Variants in PDE4B observed in about 807,000 individuals in gnomAD.
PDE4B encodes the protein phosphodiesterase 4B.
A neutral mutation model predicts 82.2 loss-of-function variants in PDE4B; 20 were observed. The ratio of observed to expected loss-of-function variants is 0.24; its 90% CI spans 0.17 to 0.35. The LOEUF (loss-of-function observed/expected upper bound fraction) is 0.35, where lower values mean the gene tolerates loss of function less well. Among genes scored for constraint, PDE4B ranks in the 10% least tolerant of loss-of-function variants. The pLI, the probability that PDE4B is intolerant of heterozygous loss-of-function variation, is 1.00. For synonymous variants in PDE4B, 320 were observed against 318.9 expected, an observed-to-expected ratio of 1.00 and a Z score of -0.04; for missense variants, 655 against 907.2, an observed-to-expected ratio of 0.72 and a Z score of 3.57.
At chr1:66,266,295 A>G in intron 7 of PDE4B, 1 of 585,764 alleles carries the variant, frequency 1.7e-6, no homozygotes, top group South Asian at 2.0e-5. Flanking sequence ...TAATTTGCCC[A>G]TTGTATGTGC....
intron 3 of PDE4B, among the ~76,000 whole-genome samples, chr1:66,039,960 C>T (rs1292499790): frequency 6.6e-6 from 1 of 151,938 alleles, no homozygotes; most frequent in Non-Finnish European, 1.5e-5. Context: ...TCTGTGGTTT[C>T]AGATTCTGCC....
At chr1:66,354,411 CTG>C in intron 8 of PDE4B, 1 of 987,098 alleles carries the variant, frequency 1.0e-6, no homozygotes, top group Non-Finnish European at 1.2e-6. Context: ...TAAAAGATGG[CTG>C]TGTTTCCTAG....
chr1:65,870,068 A>G (rs189672804), intron 1 of PDE4B, among the ~76,000 whole-genome samples: 2 of 152,302 alleles, frequency 1.3e-5, no homozygotes, highest in African/African-American at 2.4e-5. Flanking sequence ...TTTCCATTCA[A>G]TGCTCACTTA....
intron 3 of PDE4B, among the ~76,000 whole-genome samples, chr1:65,922,191 C>G (rs929330482): frequency 2.6e-5 from 4 of 152,034 alleles, no homozygotes; most frequent in Non-Finnish European, 5.9e-5. Context: ...AATACAATCT[C>G]CAAAAGACAC....
At chr1:65,860,227 G>C (rs1029334405) in intron 1 of PDE4B, among the ~76,000 whole-genome samples, 1 of 152,148 alleles carries the variant, frequency 6.6e-6, no homozygotes, top group African/African-American at 2.4e-5. Context: ...GCTCTGGTGT[G>C]TGATGTTCCC....
intron 3 of PDE4B, among the ~76,000 whole-genome samples, chr1:66,177,856 C>T (rs1646966002): frequency 6.6e-6 from 1 of 152,038 alleles, no homozygotes; most frequent in African/African-American, 2.4e-5. Context: ...CAAAGCTTTA[C>T]AGGAGTCGAT....
intron 7 of PDE4B, among the ~76,000 whole-genome samples, chr1:66,317,912 A>T (rs11208832): frequency 3.3e-5 from 5 of 151,998 alleles, no homozygotes; most frequent in Non-Finnish European, 5.9e-5. Context: ...GAATAAAATA[A>T]AATAAAATAA....
chr1:66,344,927 A>C (rs1661274013), intron 8 of PDE4B, among the ~76,000 whole-genome samples: 2 of 152,356 alleles, frequency 1.3e-5, no homozygotes, highest in East Asian at 3.9e-4. Flanking sequence ...CTGTGGTACC[A>C]GGATAGAGCA....
At chr1:66,311,400 C>T (rs1244333521) in intron 7 of PDE4B, among the ~76,000 whole-genome samples, 1 of 152,370 alleles carries the variant, frequency 6.6e-6, no homozygotes, top group East Asian at 1.9e-4. Context: ...GAAGACATGC[C>T]TTCACTGTCT....
intron 3 of PDE4B, among the ~76,000 whole-genome samples, chr1:66,027,347 A>C (rs2100786182): frequency 6.6e-6 from 1 of 152,312 alleles, no homozygotes; most frequent in Non-Finnish European, 1.5e-5. Context: ...CACGGGAAAG[A>C]CTGGCCCCCA....
chr1:66,038,375 G>A (rs1447674534), intron 3 of PDE4B, among the ~76,000 whole-genome samples: 1 of 152,080 alleles, frequency 6.6e-6, no homozygotes, highest in African/African-American at 2.4e-5. Context: ...ACATAGCAGG[G>A]GGTCTTGTTA....
chr1:66,334,454 G>A (rs183726164), intron 8 of PDE4B, among the ~76,000 whole-genome samples: 2 of 152,268 alleles, frequency 1.3e-5, no homozygotes, highest in East Asian at 3.9e-4. Context: ...CTGAGACCAG[G>A]CACTCTGTAG....
chr1:65,970,072 T>C (rs1205963168), intron 3 of PDE4B, among the ~76,000 whole-genome samples: 3 of 152,006 alleles, frequency 2.0e-5, no homozygotes, highest in Non-Finnish European at 4.4e-5. Context: ...ATTATTTTTA[T>C]ATTTATTAAT....
chr1:66,026,668 A>G (rs1490466642), intron 3 of PDE4B, among the ~76,000 whole-genome samples: 1 of 152,258 alleles, frequency 6.6e-6, no homozygotes, highest in East Asian at 1.9e-4. Context: ...ATTCATATAA[A>G]GCACTCAGCA....
intron 3 of PDE4B, among the ~76,000 whole-genome samples, chr1:66,194,246 A>T (rs1570440709): frequency 1.3e-5 from 2 of 152,238 alleles, no homozygotes; most frequent in East Asian, 3.9e-4. Context: ...CCTTTTGCAC[A>T]TATGGCTCTA....
intron 1 of PDE4B, among the ~76,000 whole-genome samples, chr1:65,818,685 C>CACATATATATATATAT (rs141035147): frequency 6.6e-4 from 95 of 143,770 alleles, no homozygotes; most frequent in African/African-American, 2.2e-3. Flanking sequence ...CACACACACA[C>CACATATATATATATAT]ATATATATAT....
chr1:66,371,094 C>CTACATATATATATATATATA (rs2050749443), intron 16 of PDE4B, among the ~76,000 whole-genome samples: 1 of 74,840 alleles, frequency 1.3e-5, no homozygotes, highest in Non-Finnish European at 2.8e-5. Context: ...ACACATCATA[C>CTACATATATATATATATATA]TATATATATA....
intron 3 of PDE4B, among the ~76,000 whole-genome samples, chr1:66,125,865 G>T (rs1447011156): frequency 6.6e-6 from 1 of 152,188 alleles, no homozygotes; most frequent in Non-Finnish European, 1.5e-5. Flanking sequence ...GGAGTGCAAT[G>T]GCGTGTTCTC....
chr1:66,039,350 T>A (rs751497142), intron 3 of PDE4B, among the ~76,000 whole-genome samples: 31 of 152,118 alleles, frequency 2.0e-4, no homozygotes, highest in Non-Finnish European at 3.1e-4. Flanking sequence ...CCTTTATTGT[T>A]GAAATCAATT....
Sources: gnomAD v4.1 joint callset for allele counts (sites outside exome capture counted in the v4.1 genomes callset) on GRCh38, gnomAD v4.1.1 for gene constraint, MANE v1.5 for transcripts, NCBI Gene and HGNC (gene_info 2026-07-23, HGNC 2026-07-21) for gene names.